Variants in PTPRT observed in about 807,000 individuals in gnomAD.
PTPRT encodes the protein receptor-type tyrosine-protein phosphatase T.
A neutral mutation model predicts 176.8 loss-of-function variants in PTPRT; 56 were observed. That is an observed-to-expected ratio of 0.32 (90% CI 0.26 to 0.40). PTPRT has a LOEUF of 0.40. Among genes scored for constraint, PTPRT ranks in the 10% least tolerant of loss-of-function variants. The probability of loss-of-function intolerance (pLI) is 1.00; values close to 1 mark genes in which losing one functional copy is unlikely to be tolerated. For synonymous variants in PTPRT, 783 were observed against 739.0 expected (o/e 1.06, Z -0.96); for missense variants, 1,540 against 1,908.2 (o/e 0.81, Z 3.60).
At chr20:43,140,271 C>T (rs2146398340) in intron 1 of PTPRT, among the ~76,000 whole-genome samples, 1 of 152,242 alleles carries the variant, frequency 6.6e-6, no homozygotes, top group Non-Finnish European at 1.5e-5. Context: ...AATGGTATTT[C>T]ACAGCATGGA....
In PTPRT at chr20:42,248,725, G is replaced by A; in HGVS notation, c.2274C>T (p.Ile758=). The A allele has an allele frequency of 6.2e-7, 1 of 1,614,052 alleles. No homozygotes were observed. Among genetic ancestry groups the A allele is most frequent in the Non-Finnish European group, 8.5e-7 (1 of 1,179,964 alleles). Residue 758 remains isoleucine (I), a synonymous_variant, in exon 14 of 31, where the codon ATC becomes ATT. Coordinates refer to ENST00000373187, the MANE Select transcript of PTPRT (RefSeq NM_007050.6). Reference sequence around the variant, plus strand: ...TGAGCATCACGCCCAGGAGAATGATGATGAACATGAGGAGGCCAGCGATCA... The same window carrying A: ...TGAGCATCACGCCCAGGAGAATGATAATGAACATGAGGAGGCCAGCGATCA... ...AGVIAGLLMF[I]IILLGVMLTI... is the part of the protein sequence containing the mutation.
chr20:42,387,791 TC>T (rs2058758728), intron 9 of PTPRT, among the ~76,000 whole-genome samples: 1 of 148,724 alleles, frequency 6.7e-6, no homozygotes, highest in African/African-American at 2.6e-5. Context: ...ATGCTAATAT[TC>T]TTTTTTTTTT....
intron 1 of PTPRT, among the ~76,000 whole-genome samples, chr20:43,129,517 G>A (rs559259462): frequency 8.6e-5 from 13 of 151,330 alleles, no homozygotes; most frequent in African/African-American, 3.1e-4. Context: ...GTGATCCTCT[G>A]TCAAGTTCCT....
chr20:42,545,907 T>G (rs528461407), intron 7 of PTPRT, among the ~76,000 whole-genome samples: 7 of 152,362 alleles, frequency 4.6e-5, no homozygotes, highest in African/African-American at 1.7e-4. Flanking sequence ...CTGTTTTAGA[T>G]ATTGTTTATA....
At chr20:42,432,219 A>G (rs1758737500) in intron 9 of PTPRT, among the ~76,000 whole-genome samples, 1 of 152,218 alleles carries the variant, frequency 6.6e-6, no homozygotes, top group Admixed American at 6.5e-5. Context: ...CCAGGAGCCT[A>G]TGGCACCAGT....
chr20:42,090,537 T>C (rs1984505452), intron 27 of PTPRT, among the ~76,000 whole-genome samples: 1 of 152,132 alleles, frequency 6.6e-6, no homozygotes, highest in South Asian at 2.1e-4. Context: ...CATAAACTCA[T>C]AATAGCATGT....
intron 18 of PTPRT, among the ~76,000 whole-genome samples, chr20:42,137,443 A>G (rs1415969354): frequency 6.6e-6 from 1 of 152,140 alleles, no homozygotes; most frequent in East Asian, 1.9e-4. Flanking sequence ...ATCTGCTCTG[A>G]GGTTGGGCCT....
At chr20:42,591,202 G>A (rs1477351715) in intron 7 of PTPRT, among the ~76,000 whole-genome samples, 2 of 151,776 alleles carry the variant, frequency 1.3e-5, no homozygotes, top group Non-Finnish European at 2.9e-5. Context: ...AAATATTAAG[G>A]GAAAGATTGA....
intron 27 of PTPRT, among the ~76,000 whole-genome samples, chr20:42,095,690 ATG>A (rs759991156): frequency 1.3e-5 from 2 of 152,172 alleles, no homozygotes; most frequent in African/African-American, 2.4e-5. Context: ...ACATTAGAGA[ATG>A]TGTGTTGCTT....
chr20:42,168,753 G>A (rs1390120488), intron 16 of PTPRT, among the ~76,000 whole-genome samples: 1 of 152,192 alleles, frequency 6.6e-6, no homozygotes, highest in African/African-American at 2.4e-5. Context: ...CAGTTGGCTT[G>A]TGCTTAGGAG....
intron 1 of PTPRT, among the ~76,000 whole-genome samples, chr20:43,031,439 C>A (rs187780054): frequency 3.8e-4 from 58 of 152,208 alleles, no homozygotes; most frequent in Non-Finnish European, 5.3e-4. Context: ...TCTGCTGGAA[C>A]CTTGATCTTG....
intron 1 of PTPRT, among the ~76,000 whole-genome samples, chr20:43,047,029 A>G (rs187789197): frequency 4.6e-5 from 7 of 152,178 alleles, no homozygotes; most frequent in Admixed American, 4.6e-4. Context: ...CATCAAGTTA[A>G]AGATCATTCA....
chr20:42,062,815 C>A, the PTPRT span, among the ~76,000 whole-genome samples: 1 of 152,200 alleles, frequency 6.6e-6, no homozygotes, highest in Non-Finnish European at 1.5e-5. Context: ...AACCTAAAAT[C>A]TCCTTGTCCT....
chr20:42,114,341 G>A (rs1014661798), intron 22 of PTPRT, among the ~76,000 whole-genome samples: 5 of 152,184 alleles, frequency 3.3e-5, no homozygotes, highest in African/African-American at 1.2e-4. Flanking sequence ...GATTAACTGA[G>A]TTACTCTACG....
chr20:42,145,147 G>C (rs1056832004), intron 17 of PTPRT, among the ~76,000 whole-genome samples: 4 of 152,286 alleles, frequency 2.6e-5, no homozygotes, highest in Admixed American at 2.6e-4. Flanking sequence ...AGTGGAAACA[G>C]TCACATATAA....
intron 1 of PTPRT, among the ~76,000 whole-genome samples, chr20:42,954,602 G>A (rs183823902): frequency 3.3e-5 from 5 of 149,558 alleles, no homozygotes; most frequent in Admixed American, 1.3e-4. Context: ...GTCAACGTGC[G>A]TGTTTGCTTT....
intron 9 of PTPRT, among the ~76,000 whole-genome samples, chr20:42,381,753 C>T (rs1305891457): frequency 6.6e-6 from 1 of 152,134 alleles, no homozygotes. Context: ...GATTAGTCTT[C>T]ACCTCTCTTT....
At chr20:42,293,771 G>T (rs1026897862) in intron 12 of PTPRT, among the ~76,000 whole-genome samples, 2 of 152,072 alleles carry the variant, frequency 1.3e-5, no homozygotes, top group Non-Finnish European at 2.9e-5. Flanking sequence ...AATTTTCCAT[G>T]TTTAAATAAA....
intron 1 of PTPRT, among the ~76,000 whole-genome samples, chr20:42,920,614 A>G (rs1288866032): frequency 1.3e-5 from 2 of 152,200 alleles, no homozygotes; most frequent in Admixed American, 6.5e-5. Flanking sequence ...GGTCACATAC[A>G]TACAAAAAGA....
Sources: gnomAD v4.1 joint callset for allele counts (sites outside exome capture counted in the v4.1 genomes callset) on GRCh38, gnomAD v4.1.1 for gene constraint, MANE v1.5 for transcripts, NCBI Gene and HGNC (gene_info 2026-07-23, HGNC 2026-07-21) for gene names.